The following GNAL variants were observed in gnomAD, a reference collection of about 807,000 sequenced individuals.
GNAL encodes the protein G protein subunit alpha L, also known as guanine nucleotide-binding protein G(olf) subunit alpha.
In GNAL, 18 loss-of-function variants were observed where a neutral mutation model predicts 55.1. The ratio of observed to expected loss-of-function variants is 0.33; its 90% CI spans 0.23 to 0.48. The LOEUF is 0.48. Among genes scored for constraint, GNAL ranks in the 20% least tolerant of loss-of-function variants. GNAL has a pLI of 0.99. For synonymous variants in GNAL, 253 were observed against 237.0 expected, an observed-to-expected ratio of 1.07 and a Z score of -0.62; for missense variants, 412 against 614.1, an observed-to-expected ratio of 0.67 and a Z score of 3.48.
At chr18:11,825,256 C>G (rs1435003816) in intron 5 of GNAL, among the ~76,000 whole-genome samples, 3 of 152,124 alleles carry the variant, frequency 2.0e-5, no homozygotes, top group Non-Finnish European at 4.4e-5. Context: ...GTTTTCAGTT[C>G]TCTTCATTTT....
intron 9 of GNAL, among the ~76,000 whole-genome samples, chr18:11,869,020 A>C (rs2036329066): frequency 7.0e-6 from 1 of 142,100 alleles, no homozygotes; most frequent in South Asian, 2.2e-4. Flanking sequence ...ACACACACAC[A>C]TACCTACACC....
At chr18:11,793,382 C>T (rs754957723) in intron 4 of GNAL, among the ~76,000 whole-genome samples, 9 of 151,910 alleles carry the variant, frequency 5.9e-5, no homozygotes, top group Admixed American at 2.0e-4. Flanking sequence ...TTGAGACCAG[C>T]CTTGACAACA....
chr18:11,872,223 G>A (rs1177591107), intron 9 of GNAL, 45 bp from the exon 10 acceptor site: 2 of 1,330,590 alleles, frequency 1.5e-6, no homozygotes, highest in Middle Eastern at 2.3e-4. Flanking sequence ...GCACTTTCAT[G>A]TACTAGTGTA....
rs145400180 is a variant in GNAL, at chr18:11,752,565, C to T, written c.377-288C>T. 3.4e-4 allele frequency: 546 copies of T among 1,610,340 alleles called. No individual in the cohort carries two copies. The highest frequency in any genetic ancestry group is 8.3e-4 in the Middle Eastern group (5 of 6,038). Reference sequence around the variant, plus strand: ...GCCTGGCTTACAAGGCTACCCACCGCCTGCTGCTCCTGGGTAAGGCCGAGG... The same window carrying T: ...GCCTGGCTTACAAGGCTACCCACCGTCTGCTGCTCCTGGGTAAGGCCGAGG... On this transcript the variant is annotated intron_variant, in intron 1 of 11. Transcript: ENST00000334049. The surrounding 1 kb of genome is among the most constrained non-coding windows in gnomAD (Gnocchi z 4.5).
At chr18:11,840,881 T>C (rs1212844268) in intron 5 of GNAL, among the ~76,000 whole-genome samples, 7 of 150,290 alleles carry the variant, frequency 4.7e-5, no homozygotes, top group African/African-American at 1.7e-4. Context: ...TTTTCTTTTT[T>C]TTTTTTTTTT....
Position 11,881,245 on chromosome 18 carries a change from C to T in GNAL, c.*110C>T. The T allele has an allele frequency of 9.1e-7, 1 of 1,102,706 alleles. No homozygotes were observed. The highest frequency in any genetic ancestry group is 2.5e-5 in the Admixed American group (1 of 39,936). The allele number at this position is 1,102,706 out of a possible 1,614,324, so 68.3% of individuals were successfully genotyped here. On this transcript the variant is annotated 3_prime_UTR_variant, in exon 12 of 12. Transcript: ENST00000334049. This position sits in a 1 kb window ranked among gnomAD's most constrained non-coding sequence, Gnocchi z 4.8. ...AGTTCCATCTCGCTGCCGTCTGTCC[C>T]GTTCTGTGTCGACCACCAAGCCTCT... is the stretch of plus-strand genomic sequence containing the variant.
intron 4 of GNAL, among the ~76,000 whole-genome samples, chr18:11,823,573 C>G: frequency 6.6e-6 from 1 of 152,172 alleles, no homozygotes; most frequent in East Asian, 1.9e-4. Context: ...AGAGAGCCTT[C>G]CAAATTGTGA....
intron 4 of GNAL, among the ~76,000 whole-genome samples, chr18:11,797,776 A>T (rs1340897634): frequency 6.6e-6 from 1 of 152,104 alleles, no homozygotes; most frequent in Non-Finnish European, 1.5e-5. Context: ...AGAAAAAAAA[A>T]AAGAAAGAAA....
At chr18:11,709,330 T>TAA (rs56700086) in intron 1 of GNAL, among the ~76,000 whole-genome samples, 65,494 of 138,156 alleles carry the variant, frequency 0.47, 18,114 homozygotes, top group Non-Finnish European at 0.62. Context: ...TCTATTTTTG[T>TAA]AAAAAAAAAA....
intron 4 of GNAL, among the ~76,000 whole-genome samples, chr18:11,792,369 A>G (rs1483721227): frequency 6.6e-6 from 1 of 152,188 alleles, no homozygotes; most frequent in Non-Finnish European, 1.5e-5. Context: ...CATTTTTAGT[A>G]GAGATGGGGT....
chr18:11,738,794 G>A (rs2032511900), intron 1 of GNAL, among the ~76,000 whole-genome samples: 1 of 152,088 alleles, frequency 6.6e-6, no homozygotes, highest in Non-Finnish European at 1.5e-5. Flanking sequence ...AAAGGAGGAG[G>A]CACTCCTTCC....
chr18:11,697,336 G>A (rs1231695942), intron 1 of GNAL, among the ~76,000 whole-genome samples: 1 of 152,220 alleles, frequency 6.6e-6, no homozygotes, highest in Admixed American at 6.5e-5. Flanking sequence ...TCAGGAGTTC[G>A]AGACCAGCCT....
chr18:11,815,810 T>C (rs1178135277), intron 4 of GNAL, among the ~76,000 whole-genome samples: 3 of 152,232 alleles, frequency 2.0e-5, no homozygotes, highest in Admixed American at 1.3e-4. Flanking sequence ...TGTTGTAATC[T>C]CTTACTTTTA....
rs1180585152 is a variant in GNAL at position 11,752,571 on chromosome 18, G to C, written c.377-282G>C. ...CTTACAAGGCTACCCACCGCCTGCT[G>C]CTCCTGGGTAAGGCCGAGGGGCGCG... is the stretch of plus-strand genomic sequence containing the variant. On this transcript the variant is annotated intron_variant, in intron 1 of 11. Transcript: ENST00000334049. This position sits in a 1 kb window ranked among gnomAD's most constrained non-coding sequence, Gnocchi z 4.5. 6.2e-7 allele frequency: 1 copy of C among 1,609,612 alleles called. No individual in the cohort carries two copies. The highest frequency in any genetic ancestry group is 1.7e-5 in the Admixed American group (1 of 59,510).
At chr18:11,820,970 T>C (rs1321674542) in intron 4 of GNAL, among the ~76,000 whole-genome samples, 1 of 152,240 alleles carries the variant, frequency 6.6e-6, no homozygotes, top group Non-Finnish European at 1.5e-5. Context: ...TCTCTGTAAT[T>C]CTCTCAGGCT....
intron 4 of GNAL, among the ~76,000 whole-genome samples, chr18:11,809,268 AG>A: frequency 6.6e-6 from 1 of 151,258 alleles, no homozygotes; most frequent in East Asian, 1.9e-4. Context: ...AAAAAAAAAA[AG>A]GAAGAAAGCA....
intron 4 of GNAL, among the ~76,000 whole-genome samples, chr18:11,822,295 TCAAAA>T (rs1446094758): frequency 2.0e-5 from 3 of 151,752 alleles, no homozygotes; most frequent in Non-Finnish European, 4.4e-5. Flanking sequence ...CCGCCAAATC[TCAAAA>T]CAAACAAACG....
At chr18:11,724,146 G>A (rs1418630210) in intron 1 of GNAL, among the ~76,000 whole-genome samples, 1 of 152,184 alleles carries the variant, frequency 6.6e-6, no homozygotes, top group Non-Finnish European at 1.5e-5. Context: ...AGAAATGCCT[G>A]AGACTGGGAA....
At chr18:11,854,227 A>G (rs1245003918) in intron 5 of GNAL, 2 of 167,096 alleles carry the variant, frequency 1.2e-5, no homozygotes, top group Non-Finnish European at 2.9e-5. Context: ...ACATATTCCC[A>G]ACAAAATTAA....
Sources: gnomAD v4.1 joint callset for allele counts (sites outside exome capture counted in the v4.1 genomes callset) on GRCh38, gnomAD v4.1.1 for gene constraint, Gnocchi (gnomAD v3.1) non-coding constraint, MANE v1.5 for transcripts, NCBI Gene and HGNC (gene_info 2026-07-23, HGNC 2026-07-21) for gene names.